GMDS: variants seen among roughly 807,000 people sequenced by gnomAD.
GMDS encodes the protein GDP-mannose 4,6-dehydratase, also known as GDP-mannose 4,6 dehydratase.
A neutral mutation model predicts 49.9 loss-of-function variants in GMDS; 20 were observed. The ratio of observed to expected loss-of-function variants is 0.40; its 90% CI spans 0.28 to 0.58. GMDS has a LOEUF of 0.58. Among genes scored for constraint, GMDS ranks in the 20% least tolerant of loss-of-function variants. The probability of loss-of-function intolerance (pLI) is 0.42; values close to 1 mark genes in which losing one functional copy is unlikely to be tolerated. For synonymous variants in GMDS, 177 were observed against 178.6 expected, an observed-to-expected ratio of 0.99 and a Z score of 0.07; for missense variants, 362 against 481.4, an observed-to-expected ratio of 0.75 and a Z score of 2.32.
At chr6:2,051,087 C>A (rs923074971) in intron 4 of GMDS, among the ~76,000 whole-genome samples, 1 of 151,982 alleles carries the variant, frequency 6.6e-6, no homozygotes, top group African/African-American at 2.4e-5. Flanking sequence ...TACACATGTA[C>A]CCTAGAACTT....
intron 4 of GMDS, among the ~76,000 whole-genome samples, chr6:2,051,817 G>A (rs1182997724): frequency 1.3e-5 from 2 of 152,120 alleles, no homozygotes; most frequent in African/African-American, 4.8e-5. Flanking sequence ...GCTTCTAGCA[G>A]GTATTAAGAA....
rs1768356793 is a variant in GMDS, at chr6:1,766,427, G to A, written c.772-23841C>T. On this transcript the variant is annotated intron_variant, in intron 7 of 10. Coordinates refer to ENST00000380815, the MANE Select transcript of GMDS (RefSeq NM_001500.4). This position sits in a 1 kb window ranked among gnomAD's most constrained non-coding sequence, Gnocchi z 4.5. Reference sequence around the variant, plus strand: ...CCAGGTCTCTTTGTAGGCCACCACGGAGAGAGAAAAGCATCTTGAGAATCC... The same window carrying A: ...CCAGGTCTCTTTGTAGGCCACCACGAAGAGAGAAAAGCATCTTGAGAATCC... 6.6e-6 allele frequency among the ~76,000 whole-genome samples: 1 copy of A among 152,148 alleles called. No homozygotes were observed. The highest frequency in any genetic ancestry group is 2.1e-4 in the South Asian group (1 of 4,824).
At chr6:1,707,763 T>C (rs969977820) in intron 9 of GMDS, among the ~76,000 whole-genome samples, 2 of 152,176 alleles carry the variant, frequency 1.3e-5, no homozygotes, top group Non-Finnish European at 2.9e-5. Context: ...GCACCCAGAT[T>C]TGGACGTTGG....
At chr6:1,958,002 T>C (rs1249727182) in intron 6 of GMDS, among the ~76,000 whole-genome samples, 1 of 151,896 alleles carries the variant, frequency 6.6e-6, no homozygotes, top group Admixed American at 6.6e-5. Context: ...GACAGGATCT[T>C]ACTATGTTGC....
intron 4 of GMDS, among the ~76,000 whole-genome samples, chr6:1,997,020 A>G (rs1766324819): frequency 6.6e-6 from 1 of 151,720 alleles, no homozygotes; most frequent in African/African-American, 2.4e-5. Flanking sequence ...TGGTGAGAGG[A>G]GGGAACGGCC....
intron 6 of GMDS, among the ~76,000 whole-genome samples, chr6:1,942,143 T>G (rs1486227989): frequency 6.6e-6 from 1 of 152,164 alleles, no homozygotes; most frequent in Admixed American, 6.5e-5. Flanking sequence ...GCTTCTCCTT[T>G]TACCCCAAGC....
intron 4 of GMDS, among the ~76,000 whole-genome samples, chr6:2,044,702 C>T (rs1459311920): frequency 6.6e-6 from 1 of 152,098 alleles, no homozygotes; most frequent in African/African-American, 2.4e-5. Flanking sequence ...ACGTGTACCC[C>T]TGAACTTTTA....
intron 9 of GMDS, among the ~76,000 whole-genome samples, chr6:1,717,051 G>A (rs1414056829): frequency 2.0e-5 from 3 of 152,306 alleles, no homozygotes; most frequent in South Asian, 2.1e-4. Flanking sequence ...GCCCAGCACC[G>A]GTTCCAAGTG....
intron 7 of GMDS, among the ~76,000 whole-genome samples, chr6:1,835,666 A>G (rs576159463): frequency 6.6e-6 from 1 of 152,288 alleles, no homozygotes; most frequent in Admixed American, 6.5e-5. Flanking sequence ...AGATGGGCAT[A>G]AATATCATTT....
intron 1 of GMDS, among the ~76,000 whole-genome samples, chr6:2,184,369 TAGA>T (rs1300203634): frequency 6.6e-6 from 1 of 152,190 alleles, no homozygotes; most frequent in African/African-American, 2.4e-5. Context: ...ATTAAGCCCC[TAGA>T]AGATCTGGCC....
chr6:2,237,623 G>A (rs1781423558), intron 1 of GMDS, among the ~76,000 whole-genome samples: 1 of 149,156 alleles, frequency 6.7e-6, no homozygotes, highest in African/African-American at 2.5e-5. Context: ...CCGGGTTCAA[G>A]CGATTCTCCT....
intron 8 of GMDS, 99 bp from the exon 9 acceptor site, chr6:1,726,611 C>G: frequency 3.6e-6 from 3 of 821,948 alleles, no homozygotes; most frequent in Admixed American, 1.8e-5. Flanking sequence ...CCCGCAGGAG[C>G]GCTTAAGCTC....
At chr6:1,742,113 G>T (rs532315218) in intron 8 of GMDS, among the ~76,000 whole-genome samples, 31 of 151,726 alleles carry the variant, frequency 2.0e-4, no homozygotes, top group African/African-American at 7.2e-4. Flanking sequence ...GTAGAGATGG[G>T]GTTTCACCAT....
intron 4 of GMDS, among the ~76,000 whole-genome samples, chr6:2,063,912 A>T (rs116784694): frequency 4.4e-3 from 675 of 152,342 alleles, no homozygotes; most frequent in Middle Eastern, 0.01. Flanking sequence ...GCAATAAATA[A>T]AACTTGTTAA....
At chr6:1,746,407 GC>G (rs758077534) in intron 7 of GMDS, among the ~76,000 whole-genome samples, 3 of 152,168 alleles carry the variant, frequency 2.0e-5, no homozygotes, top group South Asian at 2.1e-4. Flanking sequence ...AGAGAGGAAA[GC>G]AAATCAGTTA....
At chr6:2,221,610 C>A (rs11242746) in intron 1 of GMDS, among the ~76,000 whole-genome samples, 19,379 of 152,108 alleles carry the variant, frequency 0.13, 1,847 homozygotes, top group East Asian at 0.41. Flanking sequence ...GGATGGTCTC[C>A]ATATCCTGAC....
At chr6:2,066,384 A>G (rs1207986627) in intron 4 of GMDS, among the ~76,000 whole-genome samples, 41 of 135,074 alleles carry the variant, frequency 3.0e-4, no homozygotes, top group African/African-American at 4.6e-4. Flanking sequence ...ACCAGCTAAC[A>G]TCATAATGAC....
At chr6:1,949,138 G>A (rs1051722320) in intron 6 of GMDS, 2 of 357,156 alleles carry the variant, frequency 5.6e-6, no homozygotes, top group African/African-American at 4.4e-5. Context: ...AAAGAGAAAG[G>A]AAATATGAAA....
intron 4 of GMDS, among the ~76,000 whole-genome samples, chr6:1,964,507 CGTG>C (rs1312840810): frequency 6.6e-6 from 1 of 152,108 alleles, no homozygotes; most frequent in Non-Finnish European, 1.5e-5. Flanking sequence ...ATGTTATATT[CGTG>C]GTGAACGTTC....
Sources: allele counts gnomAD v4.1 joint callset (sites outside exome capture counted in the v4.1 genomes callset), GRCh38; gene constraint gnomAD v4.1.1; non-coding constraint Gnocchi (gnomAD v3.1); transcripts MANE v1.5; gene names NCBI Gene and HGNC (gene_info 2026-07-23, HGNC 2026-07-21).